Variants in SENP7 observed in about 807,000 individuals in gnomAD.
SENP7 encodes the protein SUMO specific peptidase 7.
SENP7 carries 64 observed loss-of-function variants against 141.2 expected under a neutral mutation model. The observed-to-expected ratio is 0.45, with a 90% CI of 0.37 to 0.56. The LOEUF is 0.56. SENP7 is among the 20% of genes least tolerant of loss of function. The pLI, the probability that SENP7 is intolerant of heterozygous loss-of-function variation, is 0.00. For missense variants in SENP7, 1,025 were observed against 1,212.2 expected (o/e 0.85, Z 2.29); for synonymous variants, 382 against 426.4 (o/e 0.90, Z 1.28).
Position 101,358,337 on chromosome 3 carries a change from A to C in SENP7, c.1623+3378T>G, listed in dbSNP as rs1324593983. The C allele has an allele frequency of 2.0e-4, 143 of 715,262 alleles. 1 individual carries two copies. The highest frequency in any genetic ancestry group is 5.2e-5 in the Non-Finnish European group (23 of 442,778). 44.3% of individuals were successfully genotyped at this position (715,262 alleles called of 1,614,324 possible). ...TAAAATAATTCATATTGCACAGGAA[A>C]CCTACAGAGTCAATAATGTGGCAAA... On this transcript the variant is annotated intron_variant, in intron 11 of 23. Transcript: ENST00000394095.
intron 5 of SENP7, among the ~76,000 whole-genome samples, chr3:101,400,593 T>C (rs1490939666): frequency 6.6e-6 from 1 of 151,304 alleles, no homozygotes; most frequent in Non-Finnish European, 1.5e-5. Flanking sequence ...AAACCATGCA[T>C]GCATAAGACA....
chr3:101,507,119 T>C (rs1366579664), intron 1 of SENP7, among the ~76,000 whole-genome samples: 1 of 146,416 alleles, frequency 6.8e-6, no homozygotes, highest in Non-Finnish European at 1.5e-5. Context: ...CAGGCAGAAA[T>C]GGGTGGAGCC....
At chr3:101,405,382 G>A (rs887886989) in intron 5 of SENP7, among the ~76,000 whole-genome samples, 5 of 152,118 alleles carry the variant, frequency 3.3e-5, no homozygotes, top group African/African-American at 4.8e-5. Flanking sequence ...GGAAAAGGGC[G>A]AGAGTACTAT....
At chr3:101,401,251 A>T (rs190895534) in intron 5 of SENP7, among the ~76,000 whole-genome samples, 41 of 152,146 alleles carry the variant, frequency 2.7e-4, no homozygotes, top group Non-Finnish European at 5.1e-4. Flanking sequence ...ACTCCTGGCC[A>T]GGTGCAGTGG....
intron 1 of SENP7, among the ~76,000 whole-genome samples, chr3:101,504,277 C>G (rs1225085667): frequency 6.7e-6 from 1 of 148,252 alleles, no homozygotes; most frequent in African/African-American, 2.5e-5. Context: ...CATGGGGAAA[C>G]CCGTCTCTAT....
intron 4 of SENP7, among the ~76,000 whole-genome samples, chr3:101,433,343 GAA>G (rs34051405): frequency 2.9e-4 from 40 of 139,322 alleles, no homozygotes; most frequent in African/African-American, 9.2e-4. Flanking sequence ...AAAAAAAAAG[GAA>G]AAAAAAAAAC....
intron 17 of SENP7, among the ~76,000 whole-genome samples, chr3:101,335,480 C>T (rs1157284449): frequency 6.6e-6 from 1 of 152,048 alleles, no homozygotes; most frequent in Non-Finnish European, 1.5e-5. Context: ...ACAGACCAAG[C>T]ATTAGTATTC....
At chr3:101,344,991 C>CAAAAAAAAAAAAAAA (rs71132568) in intron 13 of SENP7, among the ~76,000 whole-genome samples, 3 of 61,342 alleles carry the variant, frequency 4.9e-5, no homozygotes, top group Non-Finnish European at 8.4e-5. Context: ...AAAAAGAAAG[C>CAAAAAAAAAAAAAAA]AAAAAAAAAA....
chr3:101,475,695 C>T (rs2064188272), intron 3 of SENP7, among the ~76,000 whole-genome samples: 1 of 151,392 alleles, frequency 6.6e-6, no homozygotes, highest in African/African-American at 2.4e-5. Flanking sequence ...TACCCTGGAA[C>T]TTAAAATAAA....
intron 6 of SENP7, among the ~76,000 whole-genome samples, chr3:101,395,395 T>A (rs920340030): frequency 2.0e-5 from 3 of 152,224 alleles, no homozygotes; most frequent in Admixed American, 1.3e-4. Flanking sequence ...GAAGAGGGTG[T>A]CCTTTCCCCA....
At chr3:101,461,588 C>T (rs1477567414) in intron 3 of SENP7, among the ~76,000 whole-genome samples, 1 of 149,710 alleles carries the variant, frequency 6.7e-6, no homozygotes, top group East Asian at 2.0e-4. Context: ...GTACAGGTAC[C>T]GTAAGAAAAA....
At chr3:101,444,887 TATAATA>T (rs543715131) in intron 4 of SENP7, among the ~76,000 whole-genome samples, 2 of 151,292 alleles carry the variant, frequency 1.3e-5, no homozygotes, top group East Asian at 1.9e-4. Flanking sequence ...AAACTTAAAG[TATAATA>T]ATAATAATAA....
chr3:101,360,590 T>A (rs1325417998), intron 11 of SENP7, among the ~76,000 whole-genome samples: 1 of 152,212 alleles, frequency 6.6e-6, no homozygotes, highest in Non-Finnish European at 1.5e-5. Flanking sequence ...TTACTAAATC[T>A]GACACAGTCA....
chr3:101,366,365 G>T, intron 9 of SENP7, 65 bp downstream of exon 9: 1 of 1,235,860 alleles, frequency 8.1e-7, no homozygotes, highest in Non-Finnish European at 1.1e-6. Context: ...TGTTCAAGAA[G>T]AATAAAAAAA....
intron 4 of SENP7, among the ~76,000 whole-genome samples, chr3:101,423,085 A>C (rs1233444656): frequency 6.6e-6 from 1 of 152,162 alleles, no homozygotes; most frequent in Non-Finnish European, 1.5e-5. Flanking sequence ...TTTTATTTAG[A>C]GTATTTCTTG....
At chr3:101,333,547 CTTAAT>C (rs371439272) in intron 17 of SENP7, among the ~76,000 whole-genome samples, 250 of 152,142 alleles carry the variant, frequency 1.6e-3, no homozygotes, top group African/African-American at 5.7e-3. Flanking sequence ...AATCAGTTAA[CTTAAT>C]TTAATTAAAA....
At chr3:101,419,313 G>A (rs998247030) in intron 4 of SENP7, among the ~76,000 whole-genome samples, 3 of 152,202 alleles carry the variant, frequency 2.0e-5, no homozygotes, top group African/African-American at 7.2e-5. Flanking sequence ...CCATATTAAG[G>A]ATGTGAGACT....
intron 3 of SENP7, among the ~76,000 whole-genome samples, chr3:101,465,020 C>T (rs2063713451): frequency 1.3e-5 from 2 of 152,182 alleles, no homozygotes; most frequent in Admixed American, 1.3e-4. Flanking sequence ...CTGGCACCCA[C>T]ACATGTCATC....
chr3:101,346,020 T>G (rs2059445117), intron 13 of SENP7, among the ~76,000 whole-genome samples: 1 of 152,124 alleles, frequency 6.6e-6, no homozygotes, highest in Non-Finnish European at 1.5e-5. Context: ...AATCTATGCA[T>G]CCAACAAAGG....
Sources: gnomAD v4.1 joint callset for allele counts (sites outside exome capture counted in the v4.1 genomes callset) on GRCh38, gnomAD v4.1.1 for gene constraint, MANE v1.5 for transcripts, NCBI Gene and HGNC (gene_info 2026-07-23, HGNC 2026-07-21) for gene names.